The following KDM2B variants were observed in gnomAD, a reference collection of about 807,000 sequenced individuals.
The protein encoded by KDM2B is lysine-specific demethylase 2B.
KDM2B carries 26 observed loss-of-function variants against 150.0 expected under a neutral mutation model. The ratio of observed to expected loss-of-function variants is 0.17; its 90% CI spans 0.13 to 0.24. The LOEUF (loss-of-function observed/expected upper bound fraction) is 0.24. Ranked by LOEUF, KDM2B falls within the 10% of genes least tolerant of loss-of-function variation. KDM2B has a pLI of 1.00. For synonymous variants in KDM2B, 734 were observed against 729.5 expected (o/e 1.01, Z -0.10); for missense variants, 1,265 against 1,816.9 (o/e 0.70, Z 5.52).
Position 121,494,979 on chromosome 12 carries a change from G to T in KDM2B, c.1648-314C>A, listed in dbSNP as rs1470887091. Among the ~76,000 whole-genome samples the T allele has an allele frequency of 5.3e-5, 8 of 151,360 alleles. No individual in the cohort carries two copies. In the East Asian group the frequency reaches 1.5e-3, roughly 29 times the overall value. ...TCTAGCACTTGTCCAGAGCGTCGGGGACTCACACACAAACTTTTTCTTTTT... is the reference window on the plus strand; with the variant it reads ...TCTAGCACTTGTCCAGAGCGTCGGGTACTCACACACAAACTTTTTCTTTTT... On this transcript the variant is annotated intron_variant, in intron 11 of 22. Transcript: ENST00000377071.
At chr12:121,546,833 G>T (rs1889094371) in intron 6 of KDM2B, among the ~76,000 whole-genome samples, 1 of 151,856 alleles carries the variant, frequency 6.6e-6, no homozygotes, top group Non-Finnish European at 1.5e-5. Context: ...CTGCAGCTGG[G>T]ACTACAGGCA....
upstream of KDM2B, among the ~76,000 whole-genome samples, chr12:121,582,240 G>A (rs1555318212): frequency 6.6e-6 from 1 of 151,208 alleles, no homozygotes; most frequent in African/African-American, 2.4e-5. Context: ...ACTCACCCAG[G>A]ATCACATAGC....
At chr12:121,470,350 A>C (rs1880640653) in intron 12 of KDM2B, 1 of 152,178 alleles carries the variant, frequency 6.6e-6, no homozygotes, top group South Asian at 2.1e-4. Context: ...CTCCCTTTAT[A>C]TCATTTCAGA....
chr12:121,449,149 G>A (rs557257652), intron 13 of KDM2B, among the ~76,000 whole-genome samples: 96 of 151,834 alleles, frequency 6.3e-4, no homozygotes, highest in Non-Finnish European at 1.0e-3. Flanking sequence ...GATGGGAGGC[G>A]GTGCCAGAGG....
chr12:121,420,599 G>C, the KDM2B span: 10 of 1,614,058 alleles, frequency 6.2e-6, no homozygotes, highest in Non-Finnish European at 8.5e-6. Flanking sequence ...TCCAAGGAGA[G>C]AGTGAGAGCT....
At chr12:121,556,483 C>T (rs1306470476) in intron 4 of KDM2B, among the ~76,000 whole-genome samples, 2 of 152,160 alleles carry the variant, frequency 1.3e-5, no homozygotes, top group African/African-American at 4.8e-5. Flanking sequence ...CTGAAGTCCT[C>T]ACCAGAAGCA....
chr12:121,524,421 G>A (rs1363161707), intron 8 of KDM2B, among the ~76,000 whole-genome samples: 1 of 152,220 alleles, frequency 6.6e-6, no homozygotes, highest in Non-Finnish European at 1.5e-5. Flanking sequence ...CGTGAGGAAA[G>A]AGGAACACAG....
At chr12:121,507,934 C>A (rs563118223) in intron 11 of KDM2B, among the ~76,000 whole-genome samples, 2 of 152,180 alleles carry the variant, frequency 1.3e-5, no homozygotes, top group Admixed American at 6.5e-5. Flanking sequence ...TCACTTGAGC[C>A]TGGGAGGTCG....
At chr12:121,416,288 G>T in the KDM2B span, 1 of 1,614,120 alleles carries the variant, frequency 6.2e-7, no homozygotes, top group Non-Finnish European at 8.5e-7. Flanking sequence ...ACCAAACCCT[G>T]AGTTTTCCAC....
chr12:121,425,262 C>T (rs555016187), downstream of KDM2B, among the ~76,000 whole-genome samples: 4 of 146,760 alleles, frequency 2.7e-5, no homozygotes, highest in South Asian at 2.2e-4. Context: ...GAGCCAAGAT[C>T]GTGCCATTGC....
intron 6 of KDM2B, among the ~76,000 whole-genome samples, chr12:121,545,113 T>C (rs554105056): frequency 1.4e-4 from 22 of 152,300 alleles, no homozygotes; most frequent in African/African-American, 5.3e-4. Context: ...CAATGTCATC[T>C]TAATTAAATT....
rs782078444 is a variant in KDM2B, at chr12:121,430,453, A to G, written c.3846T>C (p.Thr1282=). 1.2e-6 allele frequency: 2 copies of G among 1,613,950 alleles called. No homozygotes were observed. Among genetic ancestry groups the G allele is most frequent in the East Asian group, 4.5e-5 (2 of 44,880 alleles). Reference sequence around the variant, plus strand: ...GTTTGAAGAAGGACAGGCACTGATCAGTGACCTTATTGCAGTCTGCAGAGA... The same window carrying G: ...GTTTGAAGAAGGACAGGCACTGATCGGTGACCTTATTGCAGTCTGCAGAGA... The part of the protein sequence containing the change: ...EINLSDCNKV[T]DQCLSFFKRC... The change falls in exon 23 of 23, where the codon ACT becomes ACC. Residue 1282 remains threonine (T), a synonymous_variant. Coordinates refer to ENST00000377071, the MANE Select transcript of KDM2B (RefSeq NM_032590.5). The surrounding 1 kb of genome is among the most constrained non-coding windows in gnomAD (Gnocchi z 4.4).
At chr12:121,546,638 C>T (rs1469130996) in intron 6 of KDM2B, among the ~76,000 whole-genome samples, 5 of 151,154 alleles carry the variant, frequency 3.3e-5, no homozygotes, top group Admixed American at 2.6e-4. Flanking sequence ...CTCCTGACCT[C>T]GTGATCTGCC....
At chr12:121,494,883 C>A (rs1883745662) in intron 11 of KDM2B, among the ~76,000 whole-genome samples, 1 of 152,146 alleles carries the variant, frequency 6.6e-6, no homozygotes, top group Non-Finnish European at 1.5e-5. Flanking sequence ...TACAAAATTT[C>A]TTTAACAAAG....
In KDM2B at chr12:121,442,477, C is replaced by T. The variant is rs551898352; in HGVS notation, c.2964G>A (p.Pro988=). 26 of 1,599,374 alleles carry T rather than the reference C, an allele frequency of 1.6e-5. 1 individual carries two copies. In the Admixed American group the frequency reaches 1.7e-4, roughly 10 times the overall value. Residue 988 remains proline, a synonymous_variant, in exon 19 of 23, where the codon CCG becomes CCA. Coordinates refer to ENST00000377071, the MANE Select transcript of KDM2B (RefSeq NM_032590.5). The surrounding 1 kb of genome is among the most constrained non-coding windows in gnomAD (Gnocchi z 7.7). Reference sequence around the variant, plus strand: ...AGCGGTGGGGACGCTCGCAGATGCCCGGGGGCCGCTTGGGCTCCTCGCCCT... The same window carrying T: ...AGCGGTGGGGACGCTCGCAGATGCCTGGGGGCCGCTTGGGCTCCTCGCCCT... The part of the protein sequence containing the change: ...ESEGEEPKRP[P]GICERPHRFS...
intron 4 of KDM2B, among the ~76,000 whole-genome samples, chr12:121,557,925 T>C (rs1243943858): frequency 6.6e-6 from 1 of 152,114 alleles, no homozygotes; most frequent in Non-Finnish European, 1.5e-5. Context: ...TCCCCTTGCC[T>C]CCCTCCCAGA....
chr12:121,537,952 G>A lies in KDM2B; in HGVS notation c.684-3362C>T, dbSNP rs1888288370. On this transcript the variant is annotated intron_variant, in intron 6 of 22. Transcript: ENST00000377071. This position sits in a 1 kb window ranked among gnomAD's most constrained non-coding sequence, Gnocchi z 8.7. ...CGGCGGCTCCCGTGCGTCCCCTTCG[G>A]CTCCCGGGCGTCCCCTTCGGCTGCG... 6.7e-6 allele frequency among the ~76,000 whole-genome samples: 1 copy of A among 150,262 alleles called. No individual in the cohort carries two copies. The highest frequency in any genetic ancestry group is 2.0e-4 in the East Asian group (1 of 5,096).
At chr12:121,465,888 C>T (rs1428265672) in intron 12 of KDM2B, among the ~76,000 whole-genome samples, 2 of 152,126 alleles carry the variant, frequency 1.3e-5, no homozygotes, top group Non-Finnish European at 1.5e-5. Flanking sequence ...ACTTTGAGAG[C>T]CATTCACACG....
At chr12:121,566,704 G>A (rs1890729667) in intron 4 of KDM2B, among the ~76,000 whole-genome samples, 1 of 152,058 alleles carries the variant, frequency 6.6e-6, no homozygotes, top group South Asian at 2.1e-4. Context: ...GATGAGGCAG[G>A]AGAATCGCTT....
Sources: gnomAD v4.1 joint callset for allele counts (sites outside exome capture counted in the v4.1 genomes callset) on GRCh38, gnomAD v4.1.1 for gene constraint, Gnocchi (gnomAD v3.1) non-coding constraint, MANE v1.5 for transcripts, NCBI Gene and HGNC (gene_info 2026-07-23, HGNC 2026-07-21) for gene names.